Variants in AIG1 observed in about 807,000 individuals in gnomAD.
AIG1 encodes androgen-induced gene 1 protein.
AIG1 carries 23 observed loss-of-function variants against 31.4 expected under a neutral mutation model. The ratio of observed to expected loss-of-function variants is 0.73; its 90% CI spans 0.53 to 1.04. AIG1 has a LOEUF of 1.04. Among genes scored for constraint, AIG1 ranks in the 50% least tolerant of loss-of-function variants. The pLI, the probability that AIG1 is intolerant of heterozygous loss-of-function variation, is 0.00. For synonymous variants in AIG1, 100 were observed against 110.5 expected, an observed-to-expected ratio of 0.90 and a Z score of 0.60; for missense variants, 274 against 295.0, an observed-to-expected ratio of 0.93 and a Z score of 0.52.
chr6:143,250,876 C>T (rs928818651), intron 3 of AIG1, among the ~76,000 whole-genome samples: 4 of 152,120 alleles, frequency 2.6e-5, no homozygotes, highest in Non-Finnish European at 5.9e-5. Context: ...TTATGTGTGG[C>T]CTAAGACAAT....
At chr6:143,074,596 T>C (rs1165156108) in intron 1 of AIG1, among the ~76,000 whole-genome samples, 2 of 152,232 alleles carry the variant, frequency 1.3e-5, no homozygotes, top group Non-Finnish European at 2.9e-5. Flanking sequence ...TCTGTTGCAC[T>C]GGTCCATGTT....
At chr6:143,192,673 G>A (rs200510115) in intron 3 of AIG1, among the ~76,000 whole-genome samples, 2 of 151,684 alleles carry the variant, frequency 1.3e-5, no homozygotes, top group African/African-American at 4.8e-5. Context: ...ATTATGGCTA[G>A]TGCTCCTCAC....
At chr6:143,261,381 C>T (rs1795771624) in intron 3 of AIG1, among the ~76,000 whole-genome samples, 1 of 152,176 alleles carries the variant, frequency 6.6e-6, no homozygotes, top group South Asian at 2.1e-4. Context: ...ATCCACCCGC[C>T]TCGGCCTCTC....
chr6:143,242,116 A>T (rs1794284399), intron 3 of AIG1, among the ~76,000 whole-genome samples: 1 of 152,186 alleles, frequency 6.6e-6, no homozygotes, highest in South Asian at 2.1e-4. Context: ...GAAAAGCAGT[A>T]GGGAGAAGGG....
intron 3 of AIG1, among the ~76,000 whole-genome samples, chr6:143,281,267 G>T (rs1797322530): frequency 6.6e-6 from 1 of 152,124 alleles, no homozygotes; most frequent in African/African-American, 2.4e-5. Flanking sequence ...CTGCAGAATG[G>T]AGTTAATAAT....
intron 3 of AIG1, among the ~76,000 whole-genome samples, chr6:143,233,149 T>TGTCCC (rs1562511590): frequency 6.6e-6 from 1 of 152,168 alleles, no homozygotes; most frequent in Non-Finnish European, 1.5e-5. Flanking sequence ...CCAACCCTCT[T>TGTCCC]GTCCCGGATG....
rs139110403 is a variant in AIG1 at position 143,210,601 on chromosome 6, T to C, written c.399+45418T>C. ...AAGAGCCCTGTGATGCTGAAGAAGG[T>C]AACATTGTAGAAAGGCTGCTTGTAT... On this transcript the variant is annotated intron_variant, in intron 3 of 5. Coordinates refer to ENST00000357847, the MANE Select transcript of AIG1 (RefSeq NM_016108.4). 8.1e-3 allele frequency among the ~76,000 whole-genome samples: 1,228 copies of C among 152,270 alleles called. 17 individuals are homozygous for C. Among genetic ancestry groups the C allele is most frequent in the African/African-American group, 0.028 (1,169 of 41,568 alleles).
chr6:143,267,095 C>T (rs552958149), intron 3 of AIG1, among the ~76,000 whole-genome samples: 34 of 152,276 alleles, frequency 2.2e-4, no homozygotes, highest in Admixed American at 1.4e-3. Flanking sequence ...TAAAACATCT[C>T]CTCCTCATGG....
rs145911470 is a variant in AIG1 at position 143,174,371 on chromosome 6, C to T, written c.399+9188C>T. ...GCGTGGTGGCAGGCACCTGTAATCC[C>T]GGCTACTTGGGAGGCTGAGGCAGGA... On this transcript the variant is annotated intron_variant, in intron 3 of 5. Coordinates refer to ENST00000357847, the MANE Select transcript of AIG1 (RefSeq NM_016108.4). Among the ~76,000 whole-genome samples the T allele has an allele frequency of 7.7e-3, 1,165 of 151,496 alleles. 15 individuals are homozygous for T. The highest frequency in any genetic ancestry group is 0.027 in the African/African-American group (1,116 of 41,268).
intron 3 of AIG1, among the ~76,000 whole-genome samples, chr6:143,208,635 A>G (rs570177175): frequency 2.0e-5 from 3 of 152,290 alleles, no homozygotes; most frequent in African/African-American, 4.8e-5. Flanking sequence ...GCATCATAAA[A>G]TCAAGCAACG....
intron 3 of AIG1, among the ~76,000 whole-genome samples, chr6:143,183,471 G>A (rs1021346583): frequency 9.8e-5 from 15 of 152,314 alleles, no homozygotes; most frequent in Admixed American, 4.6e-4. Context: ...TGGGGTTACA[G>A]GCGTGAGACA....
At chr6:143,318,858 C>T (rs772570599) in intron 4 of AIG1, among the ~76,000 whole-genome samples, 17 of 151,804 alleles carry the variant, frequency 1.1e-4, no homozygotes, top group South Asian at 4.2e-4. Flanking sequence ...TACAAATGGC[C>T]GACAAATACA....
chr6:143,149,459 G>T (rs746317275), intron 2 of AIG1, among the ~76,000 whole-genome samples: 3 of 150,962 alleles, frequency 2.0e-5, no homozygotes, highest in African/African-American at 4.9e-5. Context: ...CCCTGAAGGC[G>T]GGGCTTGCAG....
intron 1 of AIG1, among the ~76,000 whole-genome samples, chr6:143,095,686 A>C (rs1393309925): frequency 6.6e-6 from 1 of 152,174 alleles, no homozygotes; most frequent in Non-Finnish European, 1.5e-5. Flanking sequence ...ATATATTATC[A>C]GTTATGTAAG....
At chr6:143,093,785 T>C (rs192419091) in intron 1 of AIG1, among the ~76,000 whole-genome samples, 1 of 152,240 alleles carries the variant, frequency 6.6e-6, no homozygotes, top group East Asian at 1.9e-4. Context: ...TCTTGGGAAA[T>C]AGGGAGGCCT....
intron 3 of AIG1, among the ~76,000 whole-genome samples, chr6:143,281,321 ATATTGACTGAGT>A (rs1797328382): frequency 6.6e-6 from 1 of 152,212 alleles, no homozygotes; most frequent in Non-Finnish European, 1.5e-5. Context: ...ATCTGGAAAA[ATATTGACTGAGT>A]ACCTCTCTTG....
chr6:143,342,164 T>A (rs200938456), downstream of AIG1: 88 of 563,532 alleles, frequency 1.6e-4, no homozygotes, highest in East Asian at 2.9e-3. Flanking sequence ...CCTTAGGTGA[T>A]CACCCGCCTT....
chr6:143,187,567 A>C, intron 3 of AIG1: 1 of 1,536,074 alleles, frequency 6.5e-7, no homozygotes, highest in Non-Finnish European at 8.7e-7. Flanking sequence ...TAAAAATATG[A>C]AAAGCAACCT....
chr6:143,342,398 G>A (rs1777875990), downstream of AIG1: 1 of 710,360 alleles, frequency 1.4e-6, no homozygotes, highest in Non-Finnish European at 2.6e-6. Flanking sequence ...AGAAAAAAAT[G>A]TGGTTCAGAA....
Sources: gnomAD v4.1 joint callset for allele counts (sites outside exome capture counted in the v4.1 genomes callset) on GRCh38, gnomAD v4.1.1 for gene constraint, MANE v1.5 for transcripts, NCBI Gene and HGNC (gene_info 2026-07-23, HGNC 2026-07-21) for gene names.